Variants in LIN7A observed in about 807,000 individuals in gnomAD.
LIN7A encodes the protein protein lin-7 homolog A.
A neutral mutation model predicts 29.8 loss-of-function variants in LIN7A; 25 were observed. The observed-to-expected ratio is 0.84, with a 90% confidence interval of 0.61 to 1.17. LIN7A has a LOEUF of 1.17. Among genes scored for constraint, LIN7A ranks in the 50% most tolerant of loss-of-function variants. The pLI is 0.00. For missense variants in LIN7A, 239 were observed against 287.0 expected, an observed-to-expected ratio of 0.83 and a Z score of 1.21; for synonymous variants, 118 against 107.5, an observed-to-expected ratio of 1.10 and a Z score of -0.60.
chr12:80,808,449 C>G (rs915366515), intron 5 of LIN7A, among the ~76,000 whole-genome samples: 6 of 151,918 alleles, frequency 3.9e-5, no homozygotes, highest in African/African-American at 1.5e-4. Flanking sequence ...AACAGTGCCT[C>G]GCTTGTAACA....
intron 2 of LIN7A, among the ~76,000 whole-genome samples, chr12:80,873,695 A>G (rs1874536172): frequency 1.3e-5 from 2 of 152,122 alleles, no homozygotes; most frequent in Middle Eastern, 6.3e-3. Context: ...CATTAATGCC[A>G]CTGGTCACTG....
At chr12:80,876,434 AT>A (rs1373325822) in intron 2 of LIN7A, among the ~76,000 whole-genome samples, 22 of 152,350 alleles carry the variant, frequency 1.4e-4, no homozygotes, top group African/African-American at 4.8e-4. Flanking sequence ...CAATGTGAGC[AT>A]TTAAAATTGA....
intron 5 of LIN7A, among the ~76,000 whole-genome samples, chr12:80,810,876 A>G (rs1424557260): frequency 1.3e-5 from 2 of 152,158 alleles, no homozygotes; most frequent in Admixed American, 6.5e-5. Flanking sequence ...GCTGTTGGCC[A>G]TTTGTATGTT....
At chr12:80,808,760 C>T (rs1871157925) in intron 5 of LIN7A, among the ~76,000 whole-genome samples, 2 of 152,066 alleles carry the variant, frequency 1.3e-5, no homozygotes, top group Admixed American at 6.5e-5. Context: ...CTGCCTCGGC[C>T]TCCCAAAGTG....
At chr12:80,812,028 T>C (rs1232902225) in intron 4 of LIN7A, among the ~76,000 whole-genome samples, 3 of 152,070 alleles carry the variant, frequency 2.0e-5, no homozygotes, top group Admixed American at 2.0e-4. Context: ...AATTAAAACA[T>C]AGTAACAAAG....
chr12:80,894,935 C>A (rs1376733307), intron 1 of LIN7A, among the ~76,000 whole-genome samples: 1 of 152,162 alleles, frequency 6.6e-6, no homozygotes, highest in African/African-American at 2.4e-5. Flanking sequence ...AAGCTATACA[C>A]CTAACAAATG....
At chr12:80,921,369 C>T (rs1018050857) in intron 1 of LIN7A, among the ~76,000 whole-genome samples, 2 of 150,974 alleles carry the variant, frequency 1.3e-5, no homozygotes, top group Non-Finnish European at 2.9e-5. Flanking sequence ...TAACAAAATG[C>T]CATACACTGA....
chr12:80,837,279 A>G (rs1458549387), intron 4 of LIN7A, among the ~76,000 whole-genome samples: 2 of 152,168 alleles, frequency 1.3e-5, no homozygotes, highest in Non-Finnish European at 2.9e-5. Flanking sequence ...TATTCCCCAG[A>G]ACCTGTAAAT....
intron 1 of LIN7A, among the ~76,000 whole-genome samples, chr12:80,908,721 T>C (rs1284555252): frequency 6.6e-6 from 1 of 152,060 alleles, no homozygotes; most frequent in Non-Finnish European, 1.5e-5. Context: ...TTCAATTTGC[T>C]TTTTTTCTCT....
chr12:80,933,774 A>G (rs546193990), intron 1 of LIN7A, among the ~76,000 whole-genome samples: 17 of 152,160 alleles, frequency 1.1e-4, no homozygotes, highest in African/African-American at 4.1e-4. Flanking sequence ...ACTCTTCTCA[A>G]ATGTCACTGA....
At chr12:80,853,538 G>A (rs1461060442) in intron 2 of LIN7A, among the ~76,000 whole-genome samples, 2 of 151,986 alleles carry the variant, frequency 1.3e-5, no homozygotes, top group East Asian at 1.9e-4. Context: ...AGATATATGG[G>A]TAGCAAATAT....
At chr12:80,903,114 G>T (rs1876309096) in intron 1 of LIN7A, among the ~76,000 whole-genome samples, 1 of 151,342 alleles carries the variant, frequency 6.6e-6, no homozygotes, top group South Asian at 2.1e-4. Flanking sequence ...AGCCATCAAA[G>T]AAATGTACTG....
chr12:80,796,781 T>C lies in LIN7A; in HGVS notation c.*946A>G, dbSNP rs996379201. 1.3e-5 allele frequency: 2 copies of C among 152,034 alleles called. No individual in the cohort carries two copies. The highest frequency in any genetic ancestry group is 4.8e-5 in the African/African-American group (2 of 41,404). The allele number at this position is 152,034 out of a possible 1,614,324, so 9.4% of individuals were successfully genotyped here. On this transcript the variant is annotated 3_prime_UTR_variant, in exon 6 of 6. Coordinates refer to ENST00000552864, the MANE Select transcript of LIN7A (RefSeq NM_004664.4). ...TGACAGCACATCAGTGTGAGTAGAG[T>C]TTAGATTTCTTCAGTGTTTATCAAT...
chr12:80,885,403 C>T (rs75752457), intron 2 of LIN7A, among the ~76,000 whole-genome samples: 3,503 of 152,200 alleles, frequency 0.023, 122 homozygotes, highest in African/African-American at 0.08. Flanking sequence ...TAAATGTGCT[C>T]TTATCAGCCA....
intron 2 of LIN7A, among the ~76,000 whole-genome samples, chr12:80,878,385 C>T (rs1253064612): frequency 6.6e-6 from 1 of 152,172 alleles, no homozygotes; most frequent in Non-Finnish European, 1.5e-5. Flanking sequence ...TGTAATTCCT[C>T]TGATAAAATG....
intron 2 of LIN7A, among the ~76,000 whole-genome samples, chr12:80,853,908 G>T (rs1341362017): frequency 6.6e-6 from 1 of 152,048 alleles, no homozygotes; most frequent in Non-Finnish European, 1.5e-5. Flanking sequence ...TGTTCAGGCT[G>T]GTCTCGAACT....
intron 1 of LIN7A, among the ~76,000 whole-genome samples, chr12:80,918,849 C>T (rs540277923): frequency 6.6e-6 from 1 of 152,322 alleles, no homozygotes; most frequent in Non-Finnish European, 1.5e-5. Flanking sequence ...CAATGAGGAG[C>T]TGCATATATG....
At chr12:80,801,689 GA>G (rs1327553341) in intron 5 of LIN7A, among the ~76,000 whole-genome samples, 2 of 152,036 alleles carry the variant, frequency 1.3e-5, no homozygotes, top group African/African-American at 2.4e-5. Flanking sequence ...TTTTGTGGTG[GA>G]AATATTTAAA....
intron 2 of LIN7A, among the ~76,000 whole-genome samples, chr12:80,871,472 T>C (rs1363117255): frequency 6.6e-6 from 1 of 152,182 alleles, no homozygotes; most frequent in South Asian, 2.1e-4. Flanking sequence ...AATAGTTTTA[T>C]ATATTCAAAT....
Sources: gnomAD v4.1 joint callset for allele counts (sites outside exome capture counted in the v4.1 genomes callset) on GRCh38, gnomAD v4.1.1 for gene constraint, MANE v1.5 for transcripts, NCBI Gene and HGNC (gene_info 2026-07-23, HGNC 2026-07-21) for gene names.